Variants in GRHL1 observed in about 807,000 individuals in gnomAD.
The protein encoded by GRHL1 is grainyhead like transcription factor 1.
A neutral mutation model predicts 75.7 loss-of-function variants in GRHL1; 38 were observed. That is an observed-to-expected ratio of 0.50 (90% CI 0.39 to 0.66). GRHL1 has a LOEUF of 0.66. Ranked by LOEUF, GRHL1 falls within the 30% of genes least tolerant of loss-of-function variation. The pLI, the probability that GRHL1 is intolerant of heterozygous loss-of-function variation, is 0.00. For missense variants in GRHL1, 589 were observed against 767.5 expected, an observed-to-expected ratio of 0.77 and a Z score of 2.75; for synonymous variants, 266 against 279.4, an observed-to-expected ratio of 0.95 and a Z score of 0.48.
chr2:9,970,521 G>C (rs188839804), intron 8 of GRHL1, among the ~76,000 whole-genome samples: 1 of 152,192 alleles, frequency 6.6e-6, no homozygotes, highest in Non-Finnish European at 1.5e-5. Flanking sequence ...CAGGTTGCTC[G>C]CAGAGAGATG....
chr2:9,986,500 T>C (rs1435324282), intron 9 of GRHL1, among the ~76,000 whole-genome samples: 1 of 151,606 alleles, frequency 6.6e-6, no homozygotes, highest in African/African-American at 2.4e-5. Context: ...TCACTGCAAT[T>C]CTGCCTTCTG....
intron 2 of GRHL1, among the ~76,000 whole-genome samples, chr2:9,956,940 G>C (rs1558289011): frequency 6.6e-6 from 1 of 151,672 alleles, no homozygotes; most frequent in Non-Finnish European, 1.5e-5. Context: ...GACAATTTTA[G>C]TGGTACTTAC....
intron 8 of GRHL1, 99 bp downstream of exon 8, chr2:9,965,480 G>A: frequency 1.5e-6 from 1 of 682,072 alleles, no homozygotes; most frequent in Non-Finnish European, 2.6e-6. Flanking sequence ...ACAGTTTTAT[G>A]TGTTTCATTC....
At chr2:9,991,927 G>A (rs1668661575) in intron 10 of GRHL1, 80 bp from the exon 11 acceptor site, 12 of 1,107,970 alleles carry the variant, frequency 1.1e-5, no homozygotes, top group Admixed American at 4.9e-5. Flanking sequence ...ACTCAGAGGC[G>A]AGCACTCTGT....
chr2:9,998,189 C>T (rs887806519), intron 14 of GRHL1, among the ~76,000 whole-genome samples: 1 of 151,944 alleles, frequency 6.6e-6, no homozygotes, highest in Non-Finnish European at 1.5e-5. Flanking sequence ...ACAAGTGTAA[C>T]GTTTGATCTA....
At chr2:9,971,877 A>T (rs1297391777) in intron 8 of GRHL1, among the ~76,000 whole-genome samples, 2 of 152,178 alleles carry the variant, frequency 1.3e-5, no homozygotes, top group African/African-American at 4.8e-5. Flanking sequence ...TGTGAGGATG[A>T]TTTCTCCTAG....
At chr2:9,966,797 G>GC (rs1667512523) in intron 8 of GRHL1, among the ~76,000 whole-genome samples, 1 of 152,054 alleles carries the variant, frequency 6.6e-6, no homozygotes, top group Non-Finnish European at 1.5e-5. Context: ...CAGACTCTAG[G>GC]CAGTTGGGCC....
At chr2:9,966,488 A>G (rs1288059735) in intron 8 of GRHL1, 1 of 152,164 alleles carries the variant, frequency 6.6e-6, no homozygotes, top group Non-Finnish European at 1.5e-5. Context: ...TTTTCCTTAC[A>G]ATATTAGGTA....
Position 9,965,346 on chromosome 2 carries a change from A to G in GRHL1, c.1075A>G (p.Ile359Val). 6.2e-7 allele frequency: 1 copy of G among 1,611,792 alleles called. No homozygotes were observed. Among genetic ancestry groups the G allele is most frequent in the African/African-American group, 1.3e-5 (1 of 74,992 alleles). The change falls in exon 8 of 16, where the codon ATT (isoleucine) becomes GTT (valine). Residue 359 changes from isoleucine to valine, a missense_variant. Ile to Val is a conservative substitution (Grantham distance 29). Coordinates refer to ENST00000324907, the MANE Select transcript of GRHL1 (RefSeq NM_198182.3). ...SNIEEIAYNA[I>V]SFTWDINDEA... is the part of the protein sequence containing the mutation. ...CATCGAGGAGATTGCGTATAACGCC[A>G]TTTCCTTCACATGGGACATCAACGA...
intron 8 of GRHL1, among the ~76,000 whole-genome samples, chr2:9,970,765 A>G (rs1344413576): frequency 6.6e-6 from 1 of 152,200 alleles, no homozygotes; most frequent in African/African-American, 2.4e-5. Flanking sequence ...TTTCATTATA[A>G]TCTATCAGCT....
intron 9 of GRHL1, among the ~76,000 whole-genome samples, chr2:9,988,055 C>T (rs1386239517): frequency 6.6e-6 from 1 of 152,000 alleles, no homozygotes; most frequent in Non-Finnish European, 1.5e-5. Flanking sequence ...AGCCTGAGGC[C>T]TTTTTTGGAT....
intron 8 of GRHL1, among the ~76,000 whole-genome samples, chr2:9,983,750 T>C (rs1355619750): frequency 6.6e-6 from 1 of 151,654 alleles, no homozygotes; most frequent in Non-Finnish European, 1.5e-5. Flanking sequence ...GGTGGTTTGG[T>C]TACTTTGCTT....
intron 10 of GRHL1, among the ~76,000 whole-genome samples, chr2:9,991,508 T>TG (rs1459278525): frequency 3.4e-5 from 5 of 147,506 alleles, no homozygotes; most frequent in African/African-American, 1.3e-4. Context: ...GCCAGATCAT[T>TG]GGGGAAGATG....
intron 2 of GRHL1, among the ~76,000 whole-genome samples, chr2:9,956,067 A>G (rs970832898): frequency 3.9e-5 from 6 of 152,250 alleles, no homozygotes; most frequent in Admixed American, 1.3e-4. Context: ...TCTTAATGAC[A>G]GTGTCTTCTC....
At chr2:9,998,603 TATATATAC>T (rs1558320240) in intron 14 of GRHL1, among the ~76,000 whole-genome samples, 1 of 55,382 alleles carries the variant, frequency 1.8e-5, no homozygotes, top group African/African-American at 1.5e-4. Flanking sequence ...TGTACACATA[TATATATAC>T]ATATATATGT....
intron 8 of GRHL1, among the ~76,000 whole-genome samples, chr2:9,979,575 T>A (rs1668109539): frequency 6.6e-6 from 1 of 152,170 alleles, no homozygotes; most frequent in African/African-American, 2.4e-5. Flanking sequence ...TATGAAAGTC[T>A]TATGGAAATT....
Position 9,990,804 on chromosome 2 carries a change from C to A in GRHL1, c.1321+57C>A. ...TGCCTGTAAGTAGAAATGTTCCCGG[C>A]AAGCTTCAGACCTTTTCCATTGAGA... On this transcript the variant is annotated intron_variant, in intron 10 of 15. Coordinates refer to ENST00000324907, the MANE Select transcript of GRHL1 (RefSeq NM_198182.3). This position sits in a 1 kb window ranked among gnomAD's most constrained non-coding sequence, Gnocchi z 4.2. 7.2e-7 allele frequency: 1 copy of A among 1,395,470 alleles called. No homozygotes were observed. Among genetic ancestry groups the A allele is most frequent in the Non-Finnish European group, 1.0e-6 (1 of 992,960 alleles). 86.4% of individuals were successfully genotyped at this position (1,395,470 alleles called of 1,614,324 possible).
At chr2:9,977,407 G>C (rs894802048) in intron 8 of GRHL1, among the ~76,000 whole-genome samples, 2 of 152,138 alleles carry the variant, frequency 1.3e-5, no homozygotes, top group African/African-American at 4.8e-5. Context: ...TGCAACCTCC[G>C]CCTCCGGGGA....
chr2:9,959,055 T>C (rs1177715670), intron 3 of GRHL1, 199 bp downstream of exon 3: 1 of 645,908 alleles, frequency 1.5e-6, no homozygotes, highest in East Asian at 3.5e-5. Context: ...GGCGTAGTAG[T>C]TGCCTTTTCT....
Sources: gnomAD v4.1 joint callset for allele counts (sites outside exome capture counted in the v4.1 genomes callset) on GRCh38, gnomAD v4.1.1 for gene constraint, Gnocchi (gnomAD v3.1) non-coding constraint, MANE v1.5 for transcripts, NCBI Gene and HGNC (gene_info 2026-07-23, HGNC 2026-07-21) for gene names.